TUBGCP5: variants seen among roughly 807,000 people sequenced by gnomAD.
The protein encoded by TUBGCP5 is tubulin gamma complex component 5.
In TUBGCP5, 98 loss-of-function variants were observed where a neutral mutation model predicts 134.7. That is an observed-to-expected ratio of 0.73 (90% CI 0.62 to 0.86). The LOEUF (loss-of-function observed/expected upper bound fraction) is 0.86. Among genes scored for constraint, TUBGCP5 ranks in the 40% least tolerant of loss-of-function variants. TUBGCP5 has a pLI of 0.00. For synonymous variants in TUBGCP5, 456 were observed against 431.4 expected, an observed-to-expected ratio of 1.06 and a Z score of -0.71; for missense variants, 1,150 against 1,244.8, an observed-to-expected ratio of 0.92 and a Z score of 1.15.
At chr15:23,001,440 G>T (rs2064368099) in intron 21 of TUBGCP5, among the ~76,000 whole-genome samples, 1 of 150,284 alleles carries the variant, frequency 6.7e-6, no homozygotes, top group Admixed American at 6.6e-5. Flanking sequence ...TGCCTCCTGG[G>T]TTCAGCAATT....
intron 1 of TUBGCP5, among the ~76,000 whole-genome samples, chr15:23,038,415 T>C (rs555451682): frequency 7.9e-5 from 12 of 152,338 alleles, no homozygotes; most frequent in East Asian, 1.9e-4. Context: ...AAAAATAACT[T>C]GGATTTCAGC....
exon 24 of TUBGCP5, chr15:22,983,482 T>A: frequency 6.6e-6 from 1 of 152,180 alleles, no homozygotes; most frequent in East Asian, 1.9e-4. Context: ...AGGTCGGTAA[T>A]CCCAGCATTT....
downstream of TUBGCP5, chr15:22,983,184 C>T (rs976889688): frequency 6.6e-6 from 1 of 152,178 alleles, no homozygotes; most frequent in African/African-American, 2.4e-5. Flanking sequence ...GATGTTCAGA[C>T]GCTTTGTACT....
At chr15:23,011,443 A>AT (rs1224240502) in intron 13 of TUBGCP5, 112 bp from the exon 14 acceptor site, 1 of 315,670 alleles carries the variant, frequency 3.2e-6, no homozygotes, top group African/African-American at 2.2e-5. Context: ...AAATCTATAT[A>AT]TTTATATATA....
chr15:23,018,672 A>C (rs1213286487), intron 12 of TUBGCP5, among the ~76,000 whole-genome samples: 1 of 152,204 alleles, frequency 6.6e-6, no homozygotes, highest in Non-Finnish European at 1.5e-5. Flanking sequence ...ATAATTTAAA[A>C]TTGGGCTAAA....
At chr15:23,015,627 G>A (rs527636436) in intron 13 of TUBGCP5, among the ~76,000 whole-genome samples, 1 of 152,116 alleles carries the variant, frequency 6.6e-6, no homozygotes, top group East Asian at 2.0e-4. Context: ...AGGTAATAGA[G>A]CAAGACTGTC....
intron 22 of TUBGCP5, chr15:23,000,240 A>G (rs2140395325): frequency 8.2e-7 from 1 of 1,214,728 alleles, no homozygotes; most frequent in East Asian, 3.5e-5. Context: ...ATTTTTAAAA[A>G]GACTAGATTT....
At chr15:23,024,621 G>T in intron 9 of TUBGCP5, 116 bp downstream of exon 9, 2 of 583,734 alleles carry the variant, frequency 3.4e-6, no homozygotes, top group African/African-American at 2.0e-5. Context: ...TTTTTTGCAT[G>T]TGAGGAAGCA....
At chr15:23,005,798 C>T in intron 18 of TUBGCP5, 188 bp from the exon 19 acceptor site, 1 of 697,114 alleles carries the variant, frequency 1.4e-6, no homozygotes, top group Non-Finnish European at 2.3e-6. Flanking sequence ...TATCACTTTT[C>T]CTAATCAAGT....
intron 23 of TUBGCP5, among the ~76,000 whole-genome samples, chr15:22,984,616 G>A (rs1345870735): frequency 7.1e-6 from 1 of 140,246 alleles, no homozygotes; most frequent in Non-Finnish European, 1.5e-5. Context: ...GAGACTCCGT[G>A]TTAAAAAAAA....
At chr15:23,036,390 C>T (rs142106940) in intron 3 of TUBGCP5, among the ~76,000 whole-genome samples, 2 of 152,294 alleles carry the variant, frequency 1.3e-5, no homozygotes, top group African/African-American at 4.8e-5. Context: ...AGACTTTGCT[C>T]TAAGCACCTT....
At chr15:23,001,655 T>G (rs2064388921) in intron 21 of TUBGCP5, among the ~76,000 whole-genome samples, 1 of 133,300 alleles carries the variant, frequency 7.5e-6, no homozygotes, top group Non-Finnish European at 1.5e-5. Flanking sequence ...CTTTCTTTCT[T>G]TTTTTTTTTT....
rs927471327 is a variant in TUBGCP5 at position 23,005,184 on chromosome 15, G to A, written c.2712+248C>T. Among the ~76,000 whole-genome samples, 12 of 152,212 alleles carry A rather than the reference G, an allele frequency of 7.9e-5. No individual in the cohort carries two copies. The East Asian group carries it at 1.7e-3, about 22-fold the overall frequency. On this transcript the variant is annotated intron_variant, in intron 19 of 22. Transcript: ENST00000615383. Reference sequence around the variant, plus strand: ...CATTCTGAAGGCAATTCCAGAAGACGAGCTGTGGCTGTGCCTGTCCCCAGG... The same window carrying A: ...CATTCTGAAGGCAATTCCAGAAGACAAGCTGTGGCTGTGCCTGTCCCCAGG...
chr15:23,029,781 T>G (rs1341328341), intron 6 of TUBGCP5, among the ~76,000 whole-genome samples: 1 of 151,694 alleles, frequency 6.6e-6, no homozygotes, highest in African/African-American at 2.4e-5. Context: ...CTCGGGAAAC[T>G]GAGGCAGGAG....
chr15:23,035,945 A>G (rs2066564577), intron 3 of TUBGCP5, among the ~76,000 whole-genome samples: 1 of 152,182 alleles, frequency 6.6e-6, no homozygotes, highest in Non-Finnish European at 1.5e-5. Context: ...GGGAGACAAG[A>G]AAGGAACTAT....
chr15:23,010,808 G>A (rs1428346247), intron 14 of TUBGCP5, among the ~76,000 whole-genome samples: 2 of 151,886 alleles, frequency 1.3e-5, no homozygotes, highest in East Asian at 1.9e-4. Context: ...AGGAAACCCC[G>A]TCTCTACAAA....
intron 23 of TUBGCP5, among the ~76,000 whole-genome samples, chr15:22,992,031 G>T (rs2063859903): frequency 6.6e-6 from 1 of 152,142 alleles, no homozygotes; most frequent in South Asian, 2.1e-4. Flanking sequence ...AAGTGGGGAG[G>T]TCTGGTCTCT....
intron 19 of TUBGCP5, chr15:23,004,598 T>C: frequency 5.8e-6 from 1 of 170,974 alleles, no homozygotes; most frequent in Non-Finnish European, 1.2e-5. Flanking sequence ...TGAATTTATG[T>C]TTCTTAAGTT....
intron 7 of TUBGCP5, 85 bp downstream of exon 7, chr15:23,027,107 G>T (rs1273076261): frequency 4.0e-6 from 4 of 1,009,924 alleles, no homozygotes; most frequent in South Asian, 1.5e-5. Context: ...TTTCAGGGAA[G>T]AACTTAAGTC....
Sources: gnomAD v4.1 joint callset for allele counts (sites outside exome capture counted in the v4.1 genomes callset) on GRCh38, gnomAD v4.1.1 for gene constraint, MANE v1.5 for transcripts, NCBI Gene and HGNC (gene_info 2026-07-23, HGNC 2026-07-21) for gene names.